The following CACNA1E variants were observed in gnomAD, a reference collection of about 807,000 sequenced individuals.
CACNA1E encodes the protein voltage-dependent R-type calcium channel subunit alpha-1E.
In CACNA1E, 40 loss-of-function variants were observed where a neutral mutation model predicts 259.2. The ratio of observed to expected loss-of-function variants is 0.15; its 90% CI spans 0.12 to 0.20. The LOEUF is 0.20. Ranked by LOEUF, CACNA1E falls within the 10% of genes least tolerant of loss-of-function variation. The pLI is 1.00. For synonymous variants in CACNA1E, 1,104 were observed against 1,138.5 expected (o/e 0.97, Z 0.61); for missense variants, 1,874 against 3,040.1 (o/e 0.62, Z 9.02).
intron 3 of CACNA1E, among the ~76,000 whole-genome samples, chr1:181,512,918 G>A (rs962695456): frequency 3.3e-5 from 5 of 152,122 alleles, no homozygotes; most frequent in African/African-American, 1.2e-4. Flanking sequence ...TGTTGCAAAT[G>A]TCCCTAAAAT....
chr1:181,760,330 TC>T (rs1168843911), intron 32 of CACNA1E, among the ~76,000 whole-genome samples: 1 of 152,224 alleles, frequency 6.6e-6, no homozygotes, highest in African/African-American at 2.4e-5. Flanking sequence ...TTCTGATAAG[TC>T]TTTACATTGT....
At chr1:181,527,503 T>C (rs980897009) in intron 3 of CACNA1E, among the ~76,000 whole-genome samples, 1 of 152,232 alleles carries the variant, frequency 6.6e-6, no homozygotes, top group Non-Finnish European at 1.5e-5. Flanking sequence ...TTAATTTATC[T>C]TGATACAGGT....
chr1:181,604,183 G>C (rs984072466), intron 6 of CACNA1E, among the ~76,000 whole-genome samples: 10 of 152,202 alleles, frequency 6.6e-5, no homozygotes, highest in Non-Finnish European at 1.0e-4. Flanking sequence ...TCTCTGGCCT[G>C]TGGCTCATGA....
At chr1:181,493,009 A>T (rs1664449366) in intron 1 of CACNA1E, among the ~76,000 whole-genome samples, 1 of 151,950 alleles carries the variant, frequency 6.6e-6, no homozygotes, top group Admixed American at 6.6e-5. Context: ...CATCTAGATG[A>T]CTCTTTTTGG....
intron 7 of CACNA1E, among the ~76,000 whole-genome samples, chr1:181,677,928 C>G (rs1434891405): frequency 6.6e-6 from 1 of 152,084 alleles, no homozygotes; most frequent in East Asian, 1.9e-4. Context: ...GTGGGAACAT[C>G]ATTGGTTTAG....
At chr1:181,542,914 C>A (rs187749739) in intron 3 of CACNA1E, among the ~76,000 whole-genome samples, 1 of 148,868 alleles carries the variant, frequency 6.7e-6, no homozygotes, top group East Asian at 2.0e-4. Flanking sequence ...ATGCTGCATA[C>A]TAGATCTCCT....
At chr1:181,795,999 C>T (rs1661774136) in intron 46 of CACNA1E, among the ~76,000 whole-genome samples, 1 of 151,924 alleles carries the variant, frequency 6.6e-6, no homozygotes, top group Non-Finnish European at 1.5e-5. Flanking sequence ...GCTGGTGCCA[C>T]CTTCCCCCCA....
At chr1:181,780,463 G>T (rs114837693) in intron 38 of CACNA1E, among the ~76,000 whole-genome samples, 1,594 of 152,270 alleles carry the variant, frequency 0.01, 23 homozygotes, top group African/African-American at 0.035. Flanking sequence ...GGGAAGCATG[G>T]GCTCCCTGGG....
chr1:181,557,600 C>T (rs536033520), intron 3 of CACNA1E, among the ~76,000 whole-genome samples: 12 of 152,308 alleles, frequency 7.9e-5, no homozygotes, highest in Admixed American at 6.5e-4. Flanking sequence ...TCTGTGCCCT[C>T]GCATCAGGCT....
At chr1:181,748,194 AGGAT>A (rs1558341014) in intron 25 of CACNA1E, among the ~76,000 whole-genome samples, 1 of 152,120 alleles carries the variant, frequency 6.6e-6, no homozygotes, top group Non-Finnish European at 1.5e-5. Flanking sequence ...TGTGGGAGTT[AGGAT>A]GTGACAAATA....
chr1:181,779,624 C>G, intron 38 of CACNA1E: 1 of 284,784 alleles, frequency 3.5e-6, no homozygotes, highest in Admixed American at 3.6e-5. Flanking sequence ...ACCACCACTG[C>G]GCCACATGAG....
intron 6 of CACNA1E, among the ~76,000 whole-genome samples, chr1:181,645,441 C>G (rs991845686): frequency 6.6e-6 from 1 of 152,074 alleles, no homozygotes; most frequent in African/African-American, 2.4e-5. Flanking sequence ...CTTTTTTCTT[C>G]TTATAGGTCC....
intron 25 of CACNA1E, among the ~76,000 whole-genome samples, chr1:181,747,425 A>G (rs917867565): frequency 1.3e-4 from 20 of 149,746 alleles, no homozygotes; most frequent in Middle Eastern, 3.5e-3. Flanking sequence ...CTCGTCTTTT[A>G]CTGATGAAAC....
At chr1:181,566,703 T>C (rs1649865312) in intron 3 of CACNA1E, among the ~76,000 whole-genome samples, 1 of 152,194 alleles carries the variant, frequency 6.6e-6, no homozygotes, top group African/African-American at 2.4e-5. Flanking sequence ...AGAGGAGCTA[T>C]GTGTATGTTC....
chr1:181,596,597 T>TGTGTGTGTGTGTAC (rs1553293354), intron 6 of CACNA1E, among the ~76,000 whole-genome samples: 2 of 144,636 alleles, frequency 1.4e-5, no homozygotes, highest in Non-Finnish European at 3.1e-5. Context: ...TGTGTGTGTG[T>TGTGTGTGTGTGTAC]ACACACACAT....
At chr1:181,795,687 G>A (rs889118987) in intron 46 of CACNA1E, among the ~76,000 whole-genome samples, 14 of 151,014 alleles carry the variant, frequency 9.3e-5, no homozygotes, top group South Asian at 2.1e-4. Flanking sequence ...TGATCCGCCC[G>A]CGTAGGCCTC....
At chr1:181,688,122 G>T (rs1014823845) in intron 7 of CACNA1E, among the ~76,000 whole-genome samples, 13 of 152,128 alleles carry the variant, frequency 8.5e-5, no homozygotes, top group African/African-American at 2.9e-4. Context: ...TAACAATAAA[G>T]CTTAAGTGAT....
chr1:181,676,949 C>CT (rs1480136075), intron 7 of CACNA1E, among the ~76,000 whole-genome samples: 1 of 152,086 alleles, frequency 6.6e-6, no homozygotes, highest in African/African-American at 2.4e-5. Context: ...CTTTTTAGGC[C>CT]TTTGTCATCA....
chr1:181,431,319 A>G (rs982871847), intron 2 of CACNA1E, among the ~76,000 whole-genome samples: 1 of 152,174 alleles, frequency 6.6e-6, no homozygotes, highest in East Asian at 1.9e-4. Flanking sequence ...TATACTGACC[A>G]TGAAACTCAG....
Sources: allele counts gnomAD v4.1 joint callset (sites outside exome capture counted in the v4.1 genomes callset), GRCh38; gene constraint gnomAD v4.1.1; transcripts MANE v1.5; gene names NCBI Gene and HGNC (gene_info 2026-07-23, HGNC 2026-07-21).